Variants in DCP1A observed in about 807,000 individuals in gnomAD.
DCP1A encodes mRNA-decapping enzyme 1A.
In DCP1A, 20 loss-of-function variants were observed where a neutral mutation model predicts 58.0. The ratio of observed to expected loss-of-function variants is 0.34; its 90% CI spans 0.24 to 0.50. DCP1A has a LOEUF of 0.50. Ranked by LOEUF, DCP1A falls within the 20% of genes least tolerant of loss-of-function variation. DCP1A has a pLI of 0.98. For synonymous variants in DCP1A, 285 were observed against 275.1 expected (o/e 1.04, Z -0.36); for missense variants, 613 against 712.2 (o/e 0.86, Z 1.59).
chr3:53,292,883 CA>C (rs1350110147), intron 6 of DCP1A, 56 bp from the exon 7 acceptor site: 1 of 1,512,640 alleles, frequency 6.6e-7, no homozygotes, highest in Non-Finnish European at 8.8e-7. Context: ...TCAGCATAAC[CA>C]AACTTCTTTT....
intron 3 of DCP1A, among the ~76,000 whole-genome samples, chr3:53,325,100 G>C (rs1708072960): frequency 1.3e-5 from 2 of 152,250 alleles, no homozygotes; most frequent in Middle Eastern, 3.4e-3. Flanking sequence ...TTTTGAGTAA[G>C]AGTTTTCTAT....
At chr3:53,298,867 T>C (rs1263556958) in intron 6 of DCP1A, among the ~76,000 whole-genome samples, 2 of 152,256 alleles carry the variant, frequency 1.3e-5, no homozygotes, top group East Asian at 3.8e-4. Context: ...ATTGTGTTTT[T>C]ACTAAACCTT....
At chr3:53,308,104 C>T (rs782436837) in intron 5 of DCP1A, among the ~76,000 whole-genome samples, 3 of 151,690 alleles carry the variant, frequency 2.0e-5, no homozygotes, top group East Asian at 1.9e-4. Flanking sequence ...TGCAAGGATA[C>T]GTAACAAAGT....
At chr3:53,307,641 A>G (rs922296906) in intron 5 of DCP1A, among the ~76,000 whole-genome samples, 1 of 152,240 alleles carries the variant, frequency 6.6e-6, no homozygotes, top group Non-Finnish European at 1.5e-5. Context: ...GTGTTTGTTA[A>G]TAACAGCATC....
At chr3:53,303,901 C>G (rs1707385097) in intron 6 of DCP1A, among the ~76,000 whole-genome samples, 1 of 152,098 alleles carries the variant, frequency 6.6e-6, no homozygotes, top group South Asian at 2.1e-4. Context: ...CAGAGGAGTG[C>G]CATGATCTGA....
intron 3 of DCP1A, among the ~76,000 whole-genome samples, chr3:53,340,289 T>C (rs139275075): frequency 2.6e-4 from 40 of 152,310 alleles, no homozygotes; most frequent in African/African-American, 9.6e-4. Context: ...ATTACATTGT[T>C]AACATTAGTT....
chr3:53,312,105 C>G (rs1359822837), intron 5 of DCP1A, 136 bp downstream of exon 5: 5 of 935,320 alleles, frequency 5.3e-6, no homozygotes, highest in Non-Finnish European at 6.2e-6. Flanking sequence ...CAGGAGTGTG[C>G]TAACACGCTC....
rs150421468 is a variant in DCP1A, at chr3:53,320,550, T to G, written c.305-1077A>C. Among the ~76,000 whole-genome samples, 953 of 152,346 alleles carry G rather than the reference T, an allele frequency of 6.3e-3. 6 individuals carry two copies. Among genetic ancestry groups the G allele is most frequent in the Middle Eastern group, 0.014 (4 of 294 alleles). ...ATGGCAGGTATCATTATGCTTTTTT[T>G]AAGAAAACATTAAAACTTTTTATTT... On this transcript the variant is annotated intron_variant, in intron 3 of 9. Transcript: ENST00000610213.
chr3:53,320,480 A>G (rs1553689785), intron 3 of DCP1A, among the ~76,000 whole-genome samples: 1 of 152,214 alleles, frequency 6.6e-6, no homozygotes, highest in African/African-American at 2.4e-5. Flanking sequence ...ACCTCAGCAT[A>G]CCTTGTACCT....
intron 3 of DCP1A, among the ~76,000 whole-genome samples, chr3:53,319,999 G>A (rs947880124): frequency 1.1e-4 from 16 of 151,866 alleles, no homozygotes; most frequent in African/African-American, 2.7e-4. Context: ...CTGTGGTGGC[G>A]TGCCTGTAAT....
intron 6 of DCP1A, among the ~76,000 whole-genome samples, chr3:53,301,956 G>A (rs1405802892): frequency 2.0e-5 from 3 of 152,172 alleles, no homozygotes; most frequent in East Asian, 1.9e-4. Flanking sequence ...TGGCGGGATC[G>A]GGGAGGCAGA....
intron 4 of DCP1A, 56 bp from the exon 5 acceptor site, chr3:53,312,435 G>A: frequency 4.8e-6 from 7 of 1,446,478 alleles, no homozygotes; most frequent in Non-Finnish European, 6.4e-6. Context: ...TCTGACCCAA[G>A]ATTTCTTTTG....
chr3:53,339,982 G>A (rs561230843), intron 3 of DCP1A, among the ~76,000 whole-genome samples: 58 of 152,072 alleles, frequency 3.8e-4, no homozygotes, highest in Non-Finnish European at 6.3e-4. Context: ...GTGCAGTGGC[G>A]CAATCATGGC....
rs1046493277 is a variant in DCP1A, at chr3:53,303,087, C to T, written c.624+1090G>A. 1.4e-4 allele frequency among the ~76,000 whole-genome samples: 21 copies of T among 151,972 alleles called. No individual in the cohort carries two copies. The South Asian group carries it at 1.5e-3, about 11-fold the overall frequency. On this transcript the variant is annotated intron_variant, in intron 6 of 9. Transcript: ENST00000610213. ...ACCTCAGCCTCCCAATTAGCTGGGA[C>T]CACAGGTGCATGACATCACGTCTGG... is the stretch of plus-strand genomic sequence containing the variant.
chr3:53,313,187 G>A (rs1259923928), intron 4 of DCP1A, among the ~76,000 whole-genome samples: 3 of 152,132 alleles, frequency 2.0e-5, no homozygotes, highest in African/African-American at 7.2e-5. Context: ...CAAATAAAAG[G>A]TTTCCCTTAT....
At chr3:53,340,122 G>T (rs1239106906) in intron 3 of DCP1A, among the ~76,000 whole-genome samples, 2 of 151,928 alleles carry the variant, frequency 1.3e-5, no homozygotes, top group African/African-American at 4.8e-5. Context: ...TGGGGGTTTT[G>T]ACATGTTGCC....
chr3:53,301,536 G>A (rs1707313515), intron 6 of DCP1A, among the ~76,000 whole-genome samples: 1 of 152,142 alleles, frequency 6.6e-6, no homozygotes, highest in Non-Finnish European at 1.5e-5. Context: ...GCCTCCCAAG[G>A]CAGTTTCTTA....
chr3:53,316,595 CCTT>C (rs1408002216), intron 4 of DCP1A, among the ~76,000 whole-genome samples: 1 of 112,780 alleles, frequency 8.9e-6, no homozygotes, highest in Non-Finnish European at 1.8e-5. Context: ...TTTCTTCTTC[CCTT>C]TTTTTTTTTT....
intron 3 of DCP1A, 115 bp downstream of exon 3, chr3:53,342,029 T>G: frequency 1.1e-6 from 1 of 911,920 alleles, no homozygotes; most frequent in East Asian, 2.8e-5. Flanking sequence ...TTTATAATCA[T>G]TAAGTAGAGA....
Sources: allele counts gnomAD v4.1 joint callset (sites outside exome capture counted in the v4.1 genomes callset), GRCh38; gene constraint gnomAD v4.1.1; transcripts MANE v1.5; gene names NCBI Gene and HGNC (gene_info 2026-07-23, HGNC 2026-07-21).